Variants in NXPE2 observed in about 807,000 individuals in gnomAD.
The protein encoded by NXPE2 is NXPE family member 2.
In NXPE2, 34 loss-of-function variants were observed where a neutral mutation model predicts 34.4. The observed-to-expected ratio is 0.99, with a 90% CI of 0.75 to 1.31. The LOEUF (loss-of-function observed/expected upper bound fraction) is 1.31, where lower values mean the gene tolerates loss of function less well. Among genes scored for constraint, NXPE2 ranks in the 40% most tolerant of loss-of-function variants. The pLI is 0.00. For synonymous variants in NXPE2, 235 were observed against 231.3 expected, an observed-to-expected ratio of 1.02 and a Z score of -0.15; for missense variants, 649 against 672.5, an observed-to-expected ratio of 0.97 and a Z score of 0.39.
chr11:114,678,795 CAG>C (rs964546883), intron 1 of NXPE2, among the ~76,000 whole-genome samples, 194 bp downstream of exon 1: 1 of 151,824 alleles, frequency 6.6e-6, no homozygotes, highest in African/African-American at 2.4e-5. Context: ...AAAAAAATCA[CAG>C]TGCATTGTGT....
At chr11:114,476,928 TATTAA>T in the NXPE2 span, among the ~76,000 whole-genome samples, 2 of 152,188 alleles carry the variant, frequency 1.3e-5, no homozygotes, top group African/African-American at 4.8e-5. Context: ...CCCCTAAAGC[TATTAA>T]GTTATATTAT....
the NXPE2 span, among the ~76,000 whole-genome samples, chr11:114,498,459 TAAA>T: frequency 7.2e-4 from 110 of 152,156 alleles, no homozygotes; most frequent in African/African-American, 2.6e-3. Context: ...TAATAATTAA[TAAA>T]AAACCATCAA....
intron 3 of NXPE2, 69 bp from the exon 4 acceptor site, chr11:114,703,922 C>T (rs1331744414): frequency 8.9e-7 from 1 of 1,126,112 alleles, no homozygotes; most frequent in African/African-American, 1.5e-5. Context: ...TTTAATCCAT[C>T]TAAACCAGTG....
At chr11:114,738,799 G>C in the NXPE2 span, among the ~76,000 whole-genome samples, 1 of 151,758 alleles carries the variant, frequency 6.6e-6, no homozygotes, top group African/African-American at 2.4e-5. Context: ...CCCACCTTAT[G>C]CTTATATTAG....
chr11:114,784,223 T>C, the NXPE2 span, among the ~76,000 whole-genome samples: 1 of 152,322 alleles, frequency 6.6e-6, no homozygotes, highest in Admixed American at 6.5e-5. Context: ...ACCTCACACA[T>C]TCTATGAGAA....
chr11:114,513,209 T>G, the NXPE2 span: 1 of 541,836 alleles, frequency 1.8e-6, no homozygotes, highest in South Asian at 1.5e-5. Flanking sequence ...GATGTCCAGC[T>G]GGTGCCTCCT....
the NXPE2 span, among the ~76,000 whole-genome samples, chr11:114,525,996 T>C: frequency 6.6e-6 from 1 of 152,170 alleles, no homozygotes; most frequent in Admixed American, 6.5e-5. Context: ...GGAGAGACTA[T>C]CCTGGATTAC....
At chr11:114,774,963 T>C in the NXPE2 span, among the ~76,000 whole-genome samples, 1 of 152,246 alleles carries the variant, frequency 6.6e-6, no homozygotes, top group Non-Finnish European at 1.5e-5. Flanking sequence ...TATCAATTTT[T>C]CCAGATGCCT....
the NXPE2 span, chr11:114,513,515 A>C: frequency 5.6e-6 from 1 of 177,944 alleles, no homozygotes; most frequent in Non-Finnish European, 1.2e-5. Context: ...ACCTGTCCTT[A>C]TTTCATTAAC....
At chr11:114,658,694 G>A in the NXPE2 span, among the ~76,000 whole-genome samples, 2,583 of 152,250 alleles carry the variant, frequency 0.017, 79 homozygotes, top group African/African-American at 0.056. Context: ...GCAGAAAACC[G>A]TCCTGGGGAG....
At chr11:114,519,097 C>G in the NXPE2 span, among the ~76,000 whole-genome samples, 7 of 152,068 alleles carry the variant, frequency 4.6e-5, no homozygotes, top group African/African-American at 1.7e-4. Context: ...ACCAATTGAC[C>G]CCACAATTTT....
chr11:114,582,840 G>A, the NXPE2 span: 2 of 1,614,214 alleles, frequency 1.2e-6, no homozygotes, highest in South Asian at 2.2e-5. Flanking sequence ...GCTGGTGGTG[G>A]TGTTCACGTG....
the NXPE2 span, among the ~76,000 whole-genome samples, chr11:114,757,642 T>C: frequency 6.6e-6 from 1 of 152,194 alleles, no homozygotes; most frequent in Non-Finnish European, 1.5e-5. Flanking sequence ...AAGATTTCAG[T>C]GAGTGAAACC....
the NXPE2 span, among the ~76,000 whole-genome samples, chr11:114,652,041 C>T: frequency 2.0e-5 from 3 of 152,150 alleles, no homozygotes; most frequent in Non-Finnish European, 4.4e-5. Context: ...CATTTGTTAC[C>T]CAACTGATAA....
the NXPE2 span, among the ~76,000 whole-genome samples, chr11:114,489,015 GAC>G: frequency 6.6e-6 from 1 of 152,192 alleles, no homozygotes; most frequent in Non-Finnish European, 1.5e-5. Context: ...AATAAAAAAT[GAC>G]AAAGGGGATA....
the NXPE2 span, among the ~76,000 whole-genome samples, chr11:114,782,800 G>T: frequency 6.6e-5 from 10 of 152,234 alleles, no homozygotes; most frequent in East Asian, 1.7e-3. Flanking sequence ...CCTAAGGGCT[G>T]GGTCTTTAGC....
chr11:114,467,679 A>G, the NXPE2 span, among the ~76,000 whole-genome samples: 1 of 151,988 alleles, frequency 6.6e-6, no homozygotes, highest in Non-Finnish European at 1.5e-5. Context: ...TCATGCCTGT[A>G]ATCCCAGCCC....
the NXPE2 span, among the ~76,000 whole-genome samples, chr11:114,643,289 T>C: frequency 1.3e-5 from 2 of 152,170 alleles, no homozygotes; most frequent in East Asian, 3.8e-4. Context: ...TTTTGACTTT[T>C]GTTGCCACTG....
At chr11:114,485,762 G>A in the NXPE2 span, among the ~76,000 whole-genome samples, 3 of 151,910 alleles carry the variant, frequency 2.0e-5, no homozygotes, top group African/African-American at 4.8e-5. Context: ...TTTTCTTTCC[G>A]TGCCTGGCTT....
Sources: allele counts gnomAD v4.1 joint callset (sites outside exome capture counted in the v4.1 genomes callset), GRCh38; gene constraint gnomAD v4.1.1; transcripts MANE v1.5; gene names NCBI Gene and HGNC (gene_info 2026-07-23, HGNC 2026-07-21).